RAB17: variants seen among roughly 807,000 people sequenced by gnomAD.
RAB17 encodes the protein ras-related protein Rab-17.
A neutral mutation model predicts 19.3 loss-of-function variants in RAB17; 15 were observed. The ratio of observed to expected loss-of-function variants is 0.78; its 90% CI spans 0.52 to 1.20. The LOEUF is 1.20. RAB17 is among the 50% of genes most tolerant of loss of function. The pLI is 0.00. For missense variants in RAB17, 262 were observed against 269.3 expected (o/e 0.97, Z 0.19); for synonymous variants, 110 against 112.8 (o/e 0.97, Z 0.16).
chr2:237,583,642 T>C (rs1230187032), intron 2 of RAB17, among the ~76,000 whole-genome samples: 1 of 151,988 alleles, frequency 6.6e-6, no homozygotes, highest in Non-Finnish European at 1.5e-5. Flanking sequence ...TGTTCTCCTC[T>C]CCCCGTTGTG....
chr2:237,586,269 C>T, intron 1 of RAB17, 112 bp from the exon 2 acceptor site: 1 of 1,158,502 alleles, frequency 8.6e-7, no homozygotes, highest in Non-Finnish European at 1.2e-6. Flanking sequence ...CAATACAGAG[C>T]TCCCAACTCA....
At chr2:237,590,137 GTTC>G (rs2081381876) in intron 1 of RAB17, among the ~76,000 whole-genome samples, 1 of 151,062 alleles carries the variant, frequency 6.6e-6, no homozygotes, top group African/African-American at 2.4e-5. Context: ...TTCTTTAAGA[GTTC>G]TTCTCATTAC....
intron 2 of RAB17, among the ~76,000 whole-genome samples, chr2:237,582,889 T>C (rs1050405959): frequency 6.6e-6 from 1 of 152,208 alleles, no homozygotes; most frequent in Non-Finnish European, 1.5e-5. Context: ...GGTGGATTCC[T>C]TGAGGTCAGG....
chr2:237,574,452 G>A lies in RAB17; in HGVS notation c.*567C>T. 6.5e-7 allele frequency: 1 copy of A among 1,550,312 alleles called. No individual in the cohort carries two copies. ...CTCAGCTTCACCACATTGCCAGCCG[G>A]GAGACCATGGAAGGGAACTGGCGCC... On this transcript the variant is annotated 3_prime_UTR_variant, in exon 6 of 6. Coordinates refer to ENST00000264601, the MANE Select transcript of RAB17 (RefSeq NM_022449.4).
Position 237,574,891 on chromosome 2 carries a change from G to A in RAB17, c.*128C>T, listed in dbSNP as rs1180761570. 4.7e-6 allele frequency: 4 copies of A among 854,674 alleles called. No homozygotes were observed. The African/African-American group carries it at 7.0e-5, about 15-fold the overall frequency. 52.9% of individuals were successfully genotyped at this position (854,674 alleles called of 1,614,324 possible). A position where few individuals can be genotyped will look rare whatever the true frequency, so the allele number is the denominator to read the frequency against. On this transcript the variant is annotated 3_prime_UTR_variant, in exon 6 of 6. Coordinates refer to ENST00000264601, the MANE Select transcript of RAB17 (RefSeq NM_022449.4). Reference sequence around the variant, plus strand: ...CTGTGGGAAGTGGTTTTCATAAAGGGGGCCAACTTCCAGGAACATCTAGGG... The same window carrying A: ...CTGTGGGAAGTGGTTTTCATAAAGGAGGCCAACTTCCAGGAACATCTAGGG...
chr2:237,582,249 A>G (rs2081314723), intron 2 of RAB17, among the ~76,000 whole-genome samples: 4 of 152,158 alleles, frequency 2.6e-5, no homozygotes, highest in Admixed American at 2.6e-4. Flanking sequence ...AGCTGAGCCC[A>G]CCACCTGTGT....
chr2:237,582,800 AT>A (rs2081318332), intron 2 of RAB17, among the ~76,000 whole-genome samples: 1 of 152,256 alleles, frequency 6.6e-6, no homozygotes, highest in African/African-American at 2.4e-5. Context: ...AAGTGGCAAT[AT>A]CCACATTTAT....
chr2:237,580,878 T>A (rs192454142), intron 2 of RAB17, among the ~76,000 whole-genome samples: 1 of 152,280 alleles, frequency 6.6e-6, no homozygotes, highest in Non-Finnish European at 1.5e-5. Flanking sequence ...ATAATAATAG[T>A]CAATGTTTGG....
chr2:237,587,120 A>G (rs72990127), intron 1 of RAB17, among the ~76,000 whole-genome samples: 31,319 of 152,142 alleles, frequency 0.21, 3,431 homozygotes, highest in Non-Finnish European at 0.23. Context: ...ATTTTTTGGC[A>G]AGATTGCCAT....
At chr2:237,589,065 C>T (rs894685806) in intron 1 of RAB17, among the ~76,000 whole-genome samples, 18 of 152,034 alleles carry the variant, frequency 1.2e-4, no homozygotes, top group African/African-American at 4.1e-4. Context: ...ACTAAAAATA[C>T]AAAAATTAGC....
intron 4 of RAB17, chr2:237,576,782 A>G (rs73085772): frequency 0.025 from 11,541 of 466,764 alleles, 1,007 homozygotes; most frequent in African/African-American, 0.2. Flanking sequence ...AGGACTGACA[A>G]AACTCGAGTG....
chr2:237,583,829 A>T (rs2081327233), intron 2 of RAB17, among the ~76,000 whole-genome samples: 1 of 152,096 alleles, frequency 6.6e-6, no homozygotes, highest in South Asian at 2.1e-4. Context: ...GGAGGAAGGG[A>T]GGCCCTGGCT....
chr2:237,587,441 A>C (rs1448415467), intron 1 of RAB17, among the ~76,000 whole-genome samples: 1 of 152,226 alleles, frequency 6.6e-6, no homozygotes, highest in Non-Finnish European at 1.5e-5. Context: ...AAAGGAAAGA[A>C]GAAAAGCAGG....
intron 2 of RAB17, chr2:237,578,853 C>G (rs1459846558): frequency 6.6e-6 from 1 of 152,456 alleles, no homozygotes; most frequent in Non-Finnish European, 1.5e-5. Flanking sequence ...CCACCTGTCT[C>G]CCCCAGGAAG....
chr2:237,588,204 C>A (rs564424969), intron 1 of RAB17, among the ~76,000 whole-genome samples: 1 of 150,116 alleles, frequency 6.7e-6, no homozygotes, highest in Non-Finnish European at 1.5e-5. Flanking sequence ...CTCGTTAATC[C>A]ACGCCCAGCA....
chr2:237,577,466 G>A (rs946431846), intron 3 of RAB17, 84 bp from the exon 4 acceptor site: 52 of 1,446,114 alleles, frequency 3.6e-5, no homozygotes, highest in Non-Finnish European at 4.6e-5. Flanking sequence ...CAGTGTTGCT[G>A]ATCACGTTGT....
intron 1 of RAB17, among the ~76,000 whole-genome samples, chr2:237,588,279 C>T (rs1299219524): frequency 2.6e-5 from 4 of 152,214 alleles, no homozygotes; most frequent in Non-Finnish European, 1.5e-5. Flanking sequence ...TTTCACCTTC[C>T]ACTGTGGGAT....
intron 1 of RAB17, among the ~76,000 whole-genome samples, chr2:237,587,618 G>A (rs188462586): frequency 6.6e-6 from 1 of 152,268 alleles, no homozygotes. Context: ...GTTCTAGAGA[G>A]AAAGTGACTG....
At chr2:237,583,843 A>C (rs2081327478) in intron 2 of RAB17, among the ~76,000 whole-genome samples, 1 of 152,032 alleles carries the variant, frequency 6.6e-6, no homozygotes, top group Admixed American at 6.5e-5. Context: ...CCTGGCTTTC[A>C]TCTGAAAGCT....
Sources: allele counts gnomAD v4.1 joint callset (sites outside exome capture counted in the v4.1 genomes callset), GRCh38; gene constraint gnomAD v4.1.1; transcripts MANE v1.5; gene names NCBI Gene and HGNC (gene_info 2026-07-23, HGNC 2026-07-21).